CDKAL1: variants seen among roughly 807,000 people sequenced by gnomAD.
The protein encoded by CDKAL1 is CDKAL1 threonylcarbamoyladenosine tRNA methylthiotransferase.
Under a neutral mutation model 68.2 loss-of-function variants are expected in CDKAL1, and 32 were observed. The observed-to-expected ratio is 0.47, with a 90% CI of 0.35 to 0.63. The LOEUF (loss-of-function observed/expected upper bound fraction) is 0.63, where lower values mean the gene tolerates loss of function less well. Among genes scored for constraint, CDKAL1 ranks in the 30% least tolerant of loss-of-function variants. The probability of loss-of-function intolerance (pLI) is 0.00; values close to 1 mark genes in which losing one functional copy is unlikely to be tolerated. For missense variants in CDKAL1, 606 were observed against 696.7 expected (o/e 0.87, Z 1.47); for synonymous variants, 234 against 244.3 (o/e 0.96, Z 0.39).
chr6:20,563,963 C>G (rs927092829), intron 4 of CDKAL1, among the ~76,000 whole-genome samples: 2 of 152,110 alleles, frequency 1.3e-5, no homozygotes, highest in African/African-American at 4.8e-5. Context: ...TTTAAGCCAG[C>G]GATGGCTCAA....
intron 11 of CDKAL1, among the ~76,000 whole-genome samples, chr6:21,014,344 C>A (rs1315112699): frequency 6.6e-6 from 1 of 152,150 alleles, no homozygotes; most frequent in Non-Finnish European, 1.5e-5. Flanking sequence ...TGGCTCACAC[C>A]TGTAATCCCA....
intron 6 of CDKAL1, among the ~76,000 whole-genome samples, chr6:20,757,186 A>G (rs556846526): frequency 6.6e-6 from 1 of 151,904 alleles, no homozygotes; most frequent in East Asian, 1.9e-4. Flanking sequence ...GCCCCCTCCT[A>G]GGCCTCCCAA....
At chr6:20,972,162 A>G (rs1461106991) in intron 10 of CDKAL1, among the ~76,000 whole-genome samples, 1 of 152,202 alleles carries the variant, frequency 6.6e-6, no homozygotes, top group Non-Finnish European at 1.5e-5. Flanking sequence ...AGTGTTTTTC[A>G]TGCTGTAAAT....
intron 11 of CDKAL1, among the ~76,000 whole-genome samples, chr6:21,063,484 T>G (rs967191829): frequency 6.6e-6 from 1 of 152,228 alleles, no homozygotes; most frequent in African/African-American, 2.4e-5. Flanking sequence ...AAAAAGATTT[T>G]AATGCTTTGC....
intron 15 of CDKAL1, among the ~76,000 whole-genome samples, chr6:21,219,051 T>C (rs2151122893): frequency 2.0e-5 from 3 of 152,288 alleles, no homozygotes; most frequent in African/African-American, 7.2e-5. Context: ...TTGGAACAGA[T>C]TTTTGGAAGA....
chr6:20,837,077 G>A (rs540209283), intron 8 of CDKAL1, among the ~76,000 whole-genome samples: 3 of 152,272 alleles, frequency 2.0e-5, no homozygotes, highest in Non-Finnish European at 2.9e-5. Context: ...GTTAGCTCTC[G>A]AATTTGGAGA....
chr6:20,984,414 G>A (rs1159623082), intron 10 of CDKAL1, among the ~76,000 whole-genome samples: 1 of 152,136 alleles, frequency 6.6e-6, no homozygotes, highest in African/African-American at 2.4e-5. Context: ...AGTTTCTAGG[G>A]AGGTGCCCGA....
chr6:21,078,364 A>G (rs1314176758), intron 12 of CDKAL1, among the ~76,000 whole-genome samples: 1 of 152,238 alleles, frequency 6.6e-6, no homozygotes, highest in Non-Finnish European at 1.5e-5. Context: ...TACAGTCACA[A>G]TAATCTTTGG....
intron 12 of CDKAL1, among the ~76,000 whole-genome samples, chr6:21,093,694 CTTTTTTTTTTTTTTTTTTTTTTTTTTTT>C (rs547923386): frequency 1.1e-5 from 1 of 88,086 alleles, no homozygotes; most frequent in East Asian, 2.7e-4. Context: ...GCTGCTGCTG[CTTTTTTTTTTTTTTTTTTTTTTTTTTTT>C]TTTTTTTTTT....
chr6:20,735,411 G>A (rs1347532902), intron 5 of CDKAL1, among the ~76,000 whole-genome samples: 1 of 152,158 alleles, frequency 6.6e-6, no homozygotes, highest in Non-Finnish European at 1.5e-5. Context: ...GGCAGAATGA[G>A]AGCTGAGCAA....
At chr6:20,972,159 T>G (rs1765631914) in intron 10 of CDKAL1, among the ~76,000 whole-genome samples, 1 of 152,216 alleles carries the variant, frequency 6.6e-6, no homozygotes, top group African/African-American at 2.4e-5. Context: ...GCAAGTGTTT[T>G]TCATGCTGTA....
chr6:20,878,763 A>G (rs758179939), intron 9 of CDKAL1, among the ~76,000 whole-genome samples: 23 of 149,964 alleles, frequency 1.5e-4, no homozygotes, highest in Non-Finnish European at 3.0e-4. Context: ...TAACCATAGC[A>G]ACTCTATCAG....
At chr6:20,720,442 G>C (rs928020831) in intron 5 of CDKAL1, among the ~76,000 whole-genome samples, 2 of 152,104 alleles carry the variant, frequency 1.3e-5, no homozygotes, top group African/African-American at 4.8e-5. Flanking sequence ...TATTCCTTCT[G>C]TGTTCTTACC....
rs573341522 is a variant in CDKAL1 at position 20,790,174 on chromosome 6, A to G, written c.638+8909A>G. Among the ~76,000 whole-genome samples, 6 of 152,354 alleles carry G rather than the reference A, an allele frequency of 3.9e-5. No homozygotes were observed. The South Asian group carries it at 1.2e-3, about 32-fold the overall frequency. The stretch of plus-strand genomic sequence containing the variant: ...TGGTATTTGCCCTTGAGAATCCCAT[A>G]GAAAAGCACAAAACAATAAAGTTAT... On this transcript the variant is annotated intron_variant, in intron 8 of 15. Transcript: ENST00000274695.
At chr6:21,136,314 T>C (rs189845420) in intron 13 of CDKAL1, among the ~76,000 whole-genome samples, 9 of 152,366 alleles carry the variant, frequency 5.9e-5, no homozygotes, top group East Asian at 5.8e-4. Flanking sequence ...ACGCAAGACG[T>C]TGAAAATACA....
chr6:20,883,027 C>G (rs531750593), intron 9 of CDKAL1, among the ~76,000 whole-genome samples: 34 of 152,156 alleles, frequency 2.2e-4, no homozygotes, highest in African/African-American at 7.9e-4. Flanking sequence ...CTTTTGTATG[C>G]TCTGAGATAA....
chr6:20,912,382 C>G (rs558952883), intron 9 of CDKAL1, among the ~76,000 whole-genome samples: 12 of 152,288 alleles, frequency 7.9e-5, no homozygotes, highest in African/African-American at 2.9e-4. Context: ...TGGTCTCCTA[C>G]TTTCAGCAGA....
intron 11 of CDKAL1, among the ~76,000 whole-genome samples, chr6:21,040,013 T>C (rs1769830922): frequency 6.6e-6 from 1 of 152,246 alleles, no homozygotes; most frequent in Non-Finnish European, 1.5e-5. Context: ...ACTTTATTTT[T>C]AGTACTGACC....
intron 5 of CDKAL1, among the ~76,000 whole-genome samples, chr6:20,650,945 TG>T (rs1768734974): frequency 6.6e-6 from 1 of 152,220 alleles, no homozygotes; most frequent in African/African-American, 2.4e-5. Flanking sequence ...TATGAAGTTT[TG>T]GTTACTGTAG....
Sources: allele counts gnomAD v4.1 joint callset (sites outside exome capture counted in the v4.1 genomes callset), GRCh38; gene constraint gnomAD v4.1.1; transcripts MANE v1.5; gene names NCBI Gene and HGNC (gene_info 2026-07-23, HGNC 2026-07-21).